The following DLGAP2 variants were observed in gnomAD, a reference collection of about 807,000 sequenced individuals.
DLGAP2 encodes the protein DLG associated protein 2.
Under a neutral mutation model 100.3 loss-of-function variants are expected in DLGAP2, and 26 were observed. That is an observed-to-expected ratio of 0.26 (90% CI 0.19 to 0.36). DLGAP2 has a LOEUF of 0.36. Ranked by LOEUF, DLGAP2 falls within the 10% of genes least tolerant of loss-of-function variation. The pLI is 1.00. For missense variants in DLGAP2, 1,858 were observed against 1,453.2 expected, an observed-to-expected ratio of 1.28 and a Z score of -4.53; for synonymous variants, 886 against 630.1, an observed-to-expected ratio of 1.41 and a Z score of -6.08.
At chr8:1,595,711 G>A (rs1796435885) in intron 6 of DLGAP2, among the ~76,000 whole-genome samples, 1 of 149,604 alleles carries the variant, frequency 6.7e-6, no homozygotes, top group South Asian at 2.1e-4. Flanking sequence ...CATTCCGGAA[G>A]CCCCCAGCGA....
chr8:1,113,046 C>T (rs983984135), intron 2 of DLGAP2, among the ~76,000 whole-genome samples: 1 of 152,058 alleles, frequency 6.6e-6, no homozygotes, highest in Non-Finnish European at 1.5e-5. Context: ...GCTGTCTATT[C>T]GGTTCCATTG....
chr8:1,650,847 G>T (rs889251907), intron 8 of DLGAP2, among the ~76,000 whole-genome samples: 4 of 149,418 alleles, frequency 2.7e-5, no homozygotes, highest in African/African-American at 1.0e-4. Flanking sequence ...GAGATGGGAG[G>T]AGAGTAGACA....
At chr8:1,554,871 G>C (rs377467280) in intron 5 of DLGAP2, among the ~76,000 whole-genome samples, 5 of 150,936 alleles carry the variant, frequency 3.3e-5, no homozygotes, top group African/African-American at 1.2e-4. Flanking sequence ...AAAACCAATA[G>C]TTCTAACAAG....
chr8:935,376 A>T (rs1009809373), intron 2 of DLGAP2, among the ~76,000 whole-genome samples: 1 of 152,142 alleles, frequency 6.6e-6, no homozygotes, highest in Admixed American at 6.5e-5. Flanking sequence ...CATGTAAAGC[A>T]TTTTACATGC....
chr8:1,037,915 T>A (rs2129029440), intron 2 of DLGAP2, among the ~76,000 whole-genome samples: 1 of 152,308 alleles, frequency 6.6e-6, no homozygotes, highest in South Asian at 2.1e-4. Context: ...GAATTTGTGC[T>A]TCTGAGGCCC....
chr8:1,130,103 G>A (rs111949014), intron 2 of DLGAP2, among the ~76,000 whole-genome samples: 1 of 2,142 alleles, frequency 4.7e-4, no homozygotes, highest in African/African-American at 2.6e-3. Context: ...CACTTCACGC[G>A]AGTTAAGGGA....
intron 3 of DLGAP2, among the ~76,000 whole-genome samples, chr8:1,366,967 A>ACACG (rs1175674770): frequency 6.6e-6 from 1 of 151,984 alleles, no homozygotes; most frequent in African/African-American, 2.4e-5. Flanking sequence ...CCTCCAACAC[A>ACACG]CACGCACGTG....
At chr8:1,021,330 A>G (rs1397563183) in intron 2 of DLGAP2, among the ~76,000 whole-genome samples, 3 of 152,196 alleles carry the variant, frequency 2.0e-5, no homozygotes, top group Non-Finnish European at 2.9e-5. Context: ...AGAGAGAACA[A>G]TTGAAATGAC....
intron 6 of DLGAP2, among the ~76,000 whole-genome samples, chr8:1,573,626 G>A (rs529594080): frequency 9.2e-5 from 14 of 151,676 alleles, no homozygotes; most frequent in East Asian, 1.9e-4. Flanking sequence ...GAAACATCAC[G>A]TGCTGTTCTG....
intron 4 of DLGAP2, among the ~76,000 whole-genome samples, chr8:1,523,243 G>A (rs144217064): frequency 6.6e-5 from 10 of 152,346 alleles, no homozygotes; most frequent in African/African-American, 1.7e-4. Context: ...TCACACACAC[G>A]TTGAATTTGG....
At position 818,188 on chromosome 8, in the gene DLGAP2, G is replaced by T. The variant is rs564481262; in HGVS notation, c.18+80363G>T. On this transcript the variant is annotated intron_variant, in intron 1 of 14. Transcript: ENST00000637795. Reference sequence around the variant, plus strand: ...GGGGCTGGCTGCAGCTGCTGTGGGGGATGGACATGTGGTTTCCAGGCCAAT... The same window carrying T: ...GGGGCTGGCTGCAGCTGCTGTGGGGTATGGACATGTGGTTTCCAGGCCAAT... Among the ~76,000 whole-genome samples the T allele has an allele frequency of 2.6e-5, 4 of 152,248 alleles. No homozygotes were observed. The East Asian group carries it at 7.7e-4, about 29-fold the overall frequency.
chr8:1,089,179 C>T (rs557493915), intron 2 of DLGAP2, among the ~76,000 whole-genome samples: 6 of 152,270 alleles, frequency 3.9e-5, no homozygotes, highest in Non-Finnish European at 7.3e-5. Context: ...CTCTCTCCAC[C>T]CCTCATCCAG....
intron 1 of DLGAP2, among the ~76,000 whole-genome samples, chr8:874,788 C>G (rs1361957468): frequency 1.3e-5 from 2 of 152,124 alleles, no homozygotes; most frequent in Non-Finnish European, 2.9e-5. Context: ...TCTAGTTGAT[C>G]TATCCATCAT....
At chr8:1,345,862 T>C (rs1258044395) in intron 3 of DLGAP2, among the ~76,000 whole-genome samples, 1 of 152,220 alleles carries the variant, frequency 6.6e-6, no homozygotes, top group Admixed American at 6.5e-5. Context: ...CTGCTTGTCA[T>C]TATCGCTAGT....
chr8:1,062,755 CTG>C (rs1445078957), intron 2 of DLGAP2, among the ~76,000 whole-genome samples: 2 of 152,126 alleles, frequency 1.3e-5, no homozygotes, highest in Non-Finnish European at 2.9e-5. Flanking sequence ...ACTAGTATGA[CTG>C]TAATCCAGGG....
At chr8:1,296,264 T>G (rs928530754) in intron 3 of DLGAP2, 3 of 150,260 alleles carry the variant, frequency 2.0e-5, no homozygotes, top group South Asian at 2.2e-4. Flanking sequence ...TGAATAGATA[T>G]GACCCTTGTT....
chr8:1,385,294 C>T lies in DLGAP2; in HGVS notation c.107-116072C>T, dbSNP rs1457108459. Among the ~76,000 whole-genome samples, 3 of 50,474 alleles carry T rather than the reference C, an allele frequency of 5.9e-5. 1 individual carries two copies. Among genetic ancestry groups the T allele is most frequent in the Non-Finnish European group, 8.2e-5 (2 of 24,380 alleles). The allele number at this position is 50,474 out of a possible 152,430, so 33.1% of individuals were successfully genotyped here. A position where few individuals can be genotyped will look rare whatever the true frequency, so the allele number is the denominator to read the frequency against. On this transcript the variant is annotated intron_variant, in intron 3 of 14. Coordinates refer to ENST00000637795, the MANE Select transcript of DLGAP2 (RefSeq NM_001346810.2). ...CCTGAGAACTTGGTGCACAGTTACC[C>T]GGCCTGTGCCCGTCCCCTGAGAACT...
At chr8:1,276,835 C>G (rs990397292) in intron 3 of DLGAP2, among the ~76,000 whole-genome samples, 3 of 152,032 alleles carry the variant, frequency 2.0e-5, no homozygotes. Flanking sequence ...GATGGGAAGA[C>G]GTTATCATTT....
chr8:819,570 A>G (rs889413011), intron 1 of DLGAP2, among the ~76,000 whole-genome samples: 1 of 152,258 alleles, frequency 6.6e-6, no homozygotes, highest in Non-Finnish European at 1.5e-5. Context: ...GATAAAGACT[A>G]TACAAAATCC....
Sources: allele counts gnomAD v4.1 joint callset (sites outside exome capture counted in the v4.1 genomes callset), GRCh38; gene constraint gnomAD v4.1.1; transcripts MANE v1.5; gene names NCBI Gene and HGNC (gene_info 2026-07-23, HGNC 2026-07-21).